The following LCP2 variants were observed in gnomAD, a reference collection of about 807,000 sequenced individuals.
LCP2 encodes the protein 76 kDa tyrosine phosphoprotein.
In LCP2, 29 loss-of-function variants were observed where a neutral mutation model predicts 74.5. The ratio of observed to expected loss-of-function variants is 0.39; its 90% CI spans 0.29 to 0.53. The LOEUF is 0.53. Ranked by LOEUF, LCP2 falls within the 20% of genes least tolerant of loss-of-function variation. The pLI is 0.72. For missense variants in LCP2, 604 were observed against 634.6 expected (o/e 0.95, Z 0.52); for synonymous variants, 228 against 229.5 (o/e 0.99, Z 0.06).
intron 2 of LCP2, 84 bp from the exon 3 acceptor site, chr5:170,288,100 A>C: frequency 7.2e-7 from 1 of 1,384,432 alleles, no homozygotes; most frequent in Non-Finnish European, 1.0e-6. Context: ...ACGTGAAACA[A>C]TATAGGGAGT....
At chr5:170,297,436 T>C (rs1465784060) in intron 1 of LCP2, 98 bp downstream of exon 1, 36 of 1,079,870 alleles carry the variant, frequency 3.3e-5, no homozygotes, top group East Asian at 3.2e-4. Flanking sequence ...TGCTATCTTA[T>C]ACACCTCCCA....
intron 1 of LCP2, 83 bp downstream of exon 1, chr5:170,297,451 C>T: frequency 8.1e-7 from 1 of 1,238,812 alleles, no homozygotes; most frequent in South Asian, 1.3e-5. Context: ...CTCCCACATT[C>T]TGCCCCAATT....
intron 7 of LCP2, among the ~76,000 whole-genome samples, chr5:170,269,176 TCGAGCAGAAACTCACATTATC>T (rs1761844050): frequency 6.6e-6 from 1 of 152,226 alleles, no homozygotes; most frequent in South Asian, 2.1e-4. Flanking sequence ...TAGATTTGCC[TCGAGCAGAAACTCACATTATC>T]TGGGCAGAAA....
At chr5:170,296,328 A>G (rs767148110) in intron 1 of LCP2, among the ~76,000 whole-genome samples, 5 of 152,194 alleles carry the variant, frequency 3.3e-5, no homozygotes, top group Non-Finnish European at 7.3e-5. Context: ...TGTGAACTGT[A>G]CCCCTACCAT....
At chr5:170,275,770 G>A (rs748029843) in intron 4 of LCP2, 25 bp downstream of exon 4, 17 of 1,562,822 alleles carry the variant, frequency 1.1e-5, no homozygotes, top group Admixed American at 9.3e-5. Flanking sequence ...AAAATCTTGC[G>A]TTTCCTTACA....
intron 20 of LCP2, among the ~76,000 whole-genome samples, chr5:170,250,433 G>T (rs1413092382): frequency 6.6e-6 from 1 of 152,148 alleles, no homozygotes; most frequent in East Asian, 1.9e-4. Flanking sequence ...ATAATAGTGG[G>T]AACTTTCCTT....
At chr5:170,284,628 C>T (rs191858580) in intron 3 of LCP2, among the ~76,000 whole-genome samples, 147 of 152,050 alleles carry the variant, frequency 9.7e-4, no homozygotes, top group African/African-American at 3.5e-3. Flanking sequence ...AAATTTTTAG[C>T]CATTATGTCT....
chr5:170,267,492 C>A (rs1761787606), intron 8 of LCP2, among the ~76,000 whole-genome samples: 1 of 152,056 alleles, frequency 6.6e-6, no homozygotes, highest in African/African-American at 2.4e-5. Context: ...CCCTCTTTGG[C>A]ATCCCTACAC....
intron 7 of LCP2, 165 bp downstream of exon 7, chr5:170,270,554 A>G (rs1561971785): frequency 3.5e-6 from 2 of 575,294 alleles, no homozygotes; most frequent in Non-Finnish European, 6.0e-6. Context: ...GCCCAGAGAG[A>G]CAGAGTTACT....
chr5:170,258,002 A>G (rs1761587622), intron 16 of LCP2, 35 bp downstream of exon 16: 1 of 1,607,612 alleles, frequency 6.2e-7, no homozygotes, highest in Non-Finnish European at 8.5e-7. Flanking sequence ...CCTAAACATT[A>G]TATTAAGCTA....
intron 1 of LCP2, among the ~76,000 whole-genome samples, chr5:170,297,065 G>A (rs940514306): frequency 1.2e-4 from 19 of 152,114 alleles, no homozygotes; most frequent in Admixed American, 9.2e-4. Context: ...AGTAAGTAGC[G>A]TTGATCTCAT....
intron 8 of LCP2, chr5:170,267,399 T>C: frequency 2.3e-6 from 1 of 427,624 alleles, no homozygotes; most frequent in Non-Finnish European, 4.3e-6. Flanking sequence ...CCCTCTCAAC[T>C]CTTTCCTGTG....
At chr5:170,267,321 T>C in intron 8 of LCP2, 1 of 578,870 alleles carries the variant, frequency 1.7e-6, no homozygotes, top group Non-Finnish European at 3.1e-6. Context: ...AAGCCTCCTA[T>C]CACATTAGAA....
rs1302739627 is a variant in LCP2 at position 170,294,918 on chromosome 5, C to G, written c.79-1546G>C. On this transcript the variant is annotated intron_variant, in intron 1 of 20. Transcript: ENST00000046794. ...ACCCAGGCATTTGATTCTGCTCCAG[C>G]AAGATCTAGGCTTGTGGACCTCAAA... is the stretch of plus-strand genomic sequence containing the variant. Among the ~76,000 whole-genome samples the G allele has an allele frequency of 1.3e-5, 2 of 152,228 alleles. 1 individual carries two copies. The highest frequency in any genetic ancestry group is 3.8e-4 in the East Asian group (2 of 5,198).
chr5:170,267,596 T>C lies in LCP2; in HGVS notation c.622-521A>G, dbSNP rs148604789. Among the ~76,000 whole-genome samples the C allele has an allele frequency of 4.0e-3, 556 of 139,488 alleles. 2 individuals carry two copies. The highest frequency in any genetic ancestry group is 0.014 in the African/African-American group (528 of 37,814). 91.5% of individuals were successfully genotyped at this position (139,488 alleles called of 152,430 possible). A position where few individuals can be genotyped will look rare whatever the true frequency, so the allele number is the denominator to read the frequency against. On this transcript the variant is annotated intron_variant, in intron 8 of 20. Coordinates refer to ENST00000046794, the MANE Select transcript of LCP2 (RefSeq NM_005565.5). ...CTTGTCACCTCCCCCCCCCATACCG[T>C]CATGTTACCTGGTCTTCCGTCCCCC...
intron 17 of LCP2, among the ~76,000 whole-genome samples, chr5:170,254,206 G>A (rs545048284): frequency 4.6e-5 from 7 of 152,240 alleles, no homozygotes; most frequent in South Asian, 2.1e-4. Flanking sequence ...CAAATCATGC[G>A]CTATCAGTGG....
At chr5:170,293,120 A>AAGATCAG (rs1390593100) in intron 2 of LCP2, among the ~76,000 whole-genome samples, 190 bp downstream of exon 2, 2 of 152,198 alleles carry the variant, frequency 1.3e-5, no homozygotes, top group Non-Finnish European at 2.9e-5. Context: ...GTGTAAGTGG[A>AAGATCAG]AGATCAGAGA....
chr5:170,251,461 G>T, intron 19 of LCP2: 1 of 258,860 alleles, frequency 3.9e-6, no homozygotes. Flanking sequence ...TGATTGTCCT[G>T]TACTTTAAAT....
intron 1 of LCP2, among the ~76,000 whole-genome samples, chr5:170,296,951 A>T (rs1762399623): frequency 6.6e-6 from 1 of 152,182 alleles, no homozygotes; most frequent in South Asian, 2.1e-4. Flanking sequence ...GAGCAGTGAA[A>T]GCCCAAATGC....
Sources: gnomAD v4.1 joint callset for allele counts (sites outside exome capture counted in the v4.1 genomes callset) on GRCh38, gnomAD v4.1.1 for gene constraint, MANE v1.5 for transcripts, NCBI Gene and HGNC (gene_info 2026-07-23, HGNC 2026-07-21) for gene names.